The following SLC6A17 variants were observed in gnomAD, a reference collection of about 807,000 sequenced individuals.
SLC6A17 encodes solute carrier family 6 member 17.
SLC6A17 carries 21 observed loss-of-function variants against 64.5 expected under a neutral mutation model. The ratio of observed to expected loss-of-function variants is 0.33; its 90% confidence interval spans 0.23 to 0.47. The LOEUF (loss-of-function observed/expected upper bound fraction) is 0.47, where lower values mean the gene tolerates loss of function less well. Among genes scored for constraint, SLC6A17 ranks in the 20% least tolerant of loss-of-function variants. The pLI is 1.00. For missense variants in SLC6A17, 682 were observed against 963.2 expected, an observed-to-expected ratio of 0.71 and a Z score of 3.86; for synonymous variants, 372 against 399.5, an observed-to-expected ratio of 0.93 and a Z score of 0.82.
chr1:110,175,070 A>G, intron 5 of SLC6A17, 110 bp downstream of exon 5: 1 of 1,327,170 alleles, frequency 7.5e-7, no homozygotes, highest in Non-Finnish European at 1.0e-6. Context: ...CTGGGTGGAT[A>G]ACACAGGCCC....
Position 110,197,417 on chromosome 1 carries a change from C to A in SLC6A17, c.1653-20C>A. ...TGACTGAGGGATGCCAACTGCTGGA[C>A]CCTCTGCTATGCCTGGCAGGTTCAT... is the stretch of plus-strand genomic sequence containing the variant. On this transcript the variant is annotated intron_variant, in intron 10 of 11. Coordinates refer to ENST00000331565, the MANE Select transcript of SLC6A17 (RefSeq NM_001010898.4). 1 of 1,599,706 alleles carries A rather than the reference C, an allele frequency of 6.3e-7. No individual in the cohort carries two copies. Among genetic ancestry groups the A allele is most frequent in the Non-Finnish European group, 8.5e-7 (1 of 1,172,708 alleles).
At chr1:110,163,922 A>G (rs531987151) in intron 1 of SLC6A17, among the ~76,000 whole-genome samples, 5 of 151,790 alleles carry the variant, frequency 3.3e-5, no homozygotes, top group South Asian at 4.2e-4. Context: ...CAACCCCCGC[A>G]TCCAGCATAA....
At chr1:110,167,566 C>T (rs1302379261) in intron 2 of SLC6A17, among the ~76,000 whole-genome samples, 1 of 152,144 alleles carries the variant, frequency 6.6e-6, no homozygotes, top group African/African-American at 2.4e-5. Flanking sequence ...ATTAAATGAG[C>T]TTTACGTGCA....
intron 2 of SLC6A17, among the ~76,000 whole-genome samples, chr1:110,167,631 TA>T (rs1189590118): frequency 6.6e-6 from 1 of 152,200 alleles, no homozygotes; most frequent in Non-Finnish European, 1.5e-5. Context: ...CCATTATTAC[TA>T]AATGCTTATG....
intron 6 of SLC6A17, among the ~76,000 whole-genome samples, chr1:110,181,368 T>C (rs1366649440): frequency 6.6e-6 from 1 of 152,242 alleles, no homozygotes; most frequent in Non-Finnish European, 1.5e-5. Flanking sequence ...ATGTTGTTCA[T>C]TACAGCATTT....
intron 3 of SLC6A17, 65 bp from the exon 4 acceptor site, chr1:110,173,893 GTGCTGGGCCTCGGGT>G: frequency 2.6e-6 from 4 of 1,558,098 alleles, no homozygotes; most frequent in Admixed American, 1.9e-5. Context: ...CGCTGCCGAC[GTGCTGGGCCTCGGGT>G]GGAGCGTGGG....
chr1:110,161,761 CCTTCT>C (rs1043640222), intron 1 of SLC6A17, among the ~76,000 whole-genome samples: 1 of 152,166 alleles, frequency 6.6e-6, no homozygotes, highest in African/African-American at 2.4e-5. Context: ...GCCCCTCTTC[CCTTCT>C]CCTCCTCCCC....
chr1:110,158,725 C>G (rs1023681146), intron 1 of SLC6A17, among the ~76,000 whole-genome samples: 12 of 152,320 alleles, frequency 7.9e-5, no homozygotes, highest in Admixed American at 7.8e-4. Context: ...GCTCTAAAAC[C>G]CATGATAGCA....
At chr1:110,165,567 A>T (rs1224339296) in intron 1 of SLC6A17, among the ~76,000 whole-genome samples, 1 of 152,104 alleles carries the variant, frequency 6.6e-6, no homozygotes, top group Admixed American at 6.5e-5. Flanking sequence ...GGGCTAGCCA[A>T]CCCCATAAAC....
chr1:110,196,946 T>C (rs1656985334), intron 10 of SLC6A17, among the ~76,000 whole-genome samples: 1 of 152,228 alleles, frequency 6.6e-6, no homozygotes, highest in African/African-American at 2.4e-5. Flanking sequence ...GTTATTGAGG[T>C]AAAGATGATT....
intron 1 of SLC6A17, among the ~76,000 whole-genome samples, chr1:110,164,598 C>T (rs1157996745): frequency 3.9e-5 from 6 of 152,222 alleles, no homozygotes; most frequent in Non-Finnish European, 5.9e-5. Context: ...CACAGGAGTT[C>T]TTGGGCCCCC....
intron 6 of SLC6A17, among the ~76,000 whole-genome samples, chr1:110,177,080 G>A (rs771760032): frequency 1.4e-4 from 21 of 152,318 alleles, no homozygotes; most frequent in Non-Finnish European, 2.1e-4. Context: ...AACACTGGGC[G>A]TGCTTGAGGC....
In SLC6A17 at chr1:110,174,013, G is replaced by A; in HGVS notation, c.485G>A (p.Gly162Glu). ...GGGCTGTATTATAATGTGATCATCG[G>A]GTGGAGCATCTTCTATTTCTTCAAG... ...FVGLYYNVII[G>E]WSIFYFFKSF... Residue 162 changes from glycine to glutamate, a missense_variant, in exon 4 of 12, where the codon GGG becomes GAG. By Grantham distance (98) the Gly-to-Glu change is moderately conservative. Around this residue, in one of 3 missense-constraint regions of SLC6A17, gnomAD observed 415 missense variants for 603.8 expected, o/e 0.69. Coordinates refer to ENST00000331565, the MANE Select transcript of SLC6A17 (RefSeq NM_001010898.4). 1 of 1,614,186 alleles carries A rather than the reference G, an allele frequency of 6.2e-7. No individual in the cohort carries two copies. Among genetic ancestry groups the A allele is most frequent in the Non-Finnish European group, 8.5e-7 (1 of 1,180,040 alleles).
chr1:110,170,846 G>GGTGTGTGTGTGTGT (rs113598904), intron 2 of SLC6A17, among the ~76,000 whole-genome samples: 1 of 150,032 alleles, frequency 6.7e-6, no homozygotes, highest in African/African-American at 2.4e-5. Context: ...ACTAGTCTGT[G>GGTGTGTGTGTGTGT]GTGTGTGTGT....
intron 2 of SLC6A17, among the ~76,000 whole-genome samples, chr1:110,171,601 G>A (rs529343716): frequency 6.6e-6 from 1 of 152,110 alleles, no homozygotes; most frequent in Admixed American, 6.5e-5. Context: ...TGGTTCAGAC[G>A]CTGGGAAGGC....
intron 1 of SLC6A17, among the ~76,000 whole-genome samples, chr1:110,153,518 A>ATTGTGTGTGTGTGTGT (rs1376239725): frequency 1.7e-5 from 1 of 59,696 alleles, no homozygotes; most frequent in Non-Finnish European, 4.6e-5. Context: ...TGCTACTGGA[A>ATTGTGTGTGTGTGTGT]ATGTGTGTGT....
intron 1 of SLC6A17, among the ~76,000 whole-genome samples, chr1:110,157,986 C>T (rs1655804573): frequency 6.6e-6 from 1 of 152,182 alleles, no homozygotes; most frequent in Admixed American, 6.5e-5. Flanking sequence ...CTGCTGTGCT[C>T]CATCCCCTCA....
intron 6 of SLC6A17, 74 bp from the exon 7 acceptor site, chr1:110,191,898 A>AT (rs1279813495): frequency 1.3e-6 from 2 of 1,552,280 alleles, no homozygotes; most frequent in African/African-American, 2.7e-5. Context: ...AGGCTGAGAA[A>AT]GGGGGTGTGC....
chr1:110,158,846 C>T (rs541833905), intron 1 of SLC6A17, among the ~76,000 whole-genome samples: 18 of 152,296 alleles, frequency 1.2e-4, no homozygotes, highest in Admixed American at 2.6e-4. Context: ...CACATTGCCA[C>T]ATCTTAAAAT....
Sources: allele counts gnomAD v4.1 joint callset (sites outside exome capture counted in the v4.1 genomes callset), GRCh38; gene constraint gnomAD v4.1.1; regional missense constraint gnomAD v4.1.1; transcripts MANE v1.5; gene names NCBI Gene and HGNC (gene_info 2026-07-23, HGNC 2026-07-21).